DRD3: variants seen among roughly 807,000 people sequenced by gnomAD.
DRD3 encodes the protein D(3) dopamine receptor.
Under a neutral mutation model 36.3 loss-of-function variants are expected in DRD3, and 19 were observed. The observed-to-expected ratio is 0.52, with a 90% CI of 0.36 to 0.77. The LOEUF (loss-of-function observed/expected upper bound fraction) is 0.77, where lower values mean the gene tolerates loss of function less well. Ranked by LOEUF, DRD3 falls within the 30% of genes least tolerant of loss-of-function variation. The probability of loss-of-function intolerance (pLI) is 0.00; values close to 1 mark genes in which losing one functional copy is unlikely to be tolerated. For missense variants in DRD3, 465 were observed against 505.3 expected (o/e 0.92, Z 0.77); for synonymous variants, 195 against 203.7 (o/e 0.96, Z 0.36).
At chr3:114,157,823 C>T (rs2077696377) in intron 3 of DRD3, among the ~76,000 whole-genome samples, 1 of 152,074 alleles carries the variant, frequency 6.6e-6, no homozygotes, top group African/African-American at 2.4e-5. Context: ...GAGGGGTAGG[C>T]CAGGCACAGT....
chr3:114,172,347 G>A (rs187800427), intron 1 of DRD3, among the ~76,000 whole-genome samples: 1 of 152,342 alleles, frequency 6.6e-6, no homozygotes, highest in Non-Finnish European at 1.5e-5. Flanking sequence ...GCGTATGTGA[G>A]TGAGTATCTG....
At chr3:114,156,715 G>GTCTTTCTTTCTT (rs1328717527) in intron 3 of DRD3, among the ~76,000 whole-genome samples, 5 of 80,286 alleles carry the variant, frequency 6.2e-5, no homozygotes, top group African/African-American at 2.0e-4. Flanking sequence ...TGGCTTGCCT[G>GTCTTTCTTTCTT]TCTTTCTTTC....
intron 1 of DRD3, among the ~76,000 whole-genome samples, chr3:114,187,214 A>T (rs2077980424): frequency 6.6e-6 from 1 of 152,328 alleles, no homozygotes; most frequent in South Asian, 2.1e-4. Flanking sequence ...GTTCTCTAAG[A>T]TTAGAAATAA....
intron 5 of DRD3, among the ~76,000 whole-genome samples, chr3:114,134,940 CTT>C (rs2077462449): frequency 6.6e-6 from 1 of 152,126 alleles, no homozygotes; most frequent in African/African-American, 2.4e-5. Context: ...CATTTCAAAT[CTT>C]TTCTTCTAGG....
intron 2 of DRD3, among the ~76,000 whole-genome samples, chr3:114,167,766 C>T (rs1045272175): frequency 2.6e-5 from 4 of 152,178 alleles, no homozygotes; most frequent in South Asian, 4.1e-4. Context: ...GGGCAGTATC[C>T]AAAGAAGAAA....
rs114903659 is a variant in DRD3 at position 114,185,367 on chromosome 3, C to T, written c.-155-6591G>A. On this transcript the variant is annotated intron_variant, in intron 1 of 7. Transcript: ENST00000460779. ...TGCAAGTTTGCTGATTTCTTTCTTG[C>T]CTGCTTAAATCTGCCTTTAAATCTG... Among the ~76,000 whole-genome samples, 561 of 152,124 alleles carry T rather than the reference C, an allele frequency of 3.7e-3. 3 individuals carry two copies. Among genetic ancestry groups the T allele is most frequent in the African/African-American group, 0.013 (533 of 41,504 alleles).
intron 4 of DRD3, among the ~76,000 whole-genome samples, chr3:114,140,541 C>A (rs2077515352): frequency 6.6e-6 from 1 of 152,158 alleles, no homozygotes. Context: ...AGCTTTGTAC[C>A]CCTTATCCCA....
intron 1 of DRD3, among the ~76,000 whole-genome samples, chr3:114,191,382 C>T: frequency 6.6e-6 from 1 of 152,076 alleles, no homozygotes; most frequent in Non-Finnish European, 1.5e-5. Context: ...AAGAGTATTC[C>T]CAGCTGTGCA....
chr3:114,194,421 T>TA (rs1307690827), intron 1 of DRD3, among the ~76,000 whole-genome samples: 2 of 152,158 alleles, frequency 1.3e-5, no homozygotes, highest in Non-Finnish European at 2.9e-5. Flanking sequence ...TAGCTGGAAT[T>TA]ACAACCGTGT....
chr3:114,139,723 G>A (rs375352318), intron 4 of DRD3, 27 bp from the exon 5 acceptor site: 3 of 1,607,990 alleles, frequency 1.9e-6, no homozygotes. Flanking sequence ...GGAAGGTAAA[G>A]CAGTTAGCAA....
chr3:114,140,865 C>T (rs1439245950), intron 4 of DRD3, among the ~76,000 whole-genome samples: 1 of 152,150 alleles, frequency 6.6e-6, no homozygotes, highest in South Asian at 2.1e-4. Flanking sequence ...GAAGATGAAG[C>T]CTCAGGTGTG....
At chr3:114,154,521 A>G (rs552572154) in intron 3 of DRD3, among the ~76,000 whole-genome samples, 4 of 152,174 alleles carry the variant, frequency 2.6e-5, no homozygotes, top group Non-Finnish European at 5.9e-5. Context: ...AGGGGGCTCA[A>G]TATATCTTTA....
intron 3 of DRD3, among the ~76,000 whole-genome samples, chr3:114,153,985 A>G (rs2077642079): frequency 6.6e-6 from 1 of 152,190 alleles, no homozygotes; most frequent in Non-Finnish European, 1.5e-5. Context: ...TAGCATTAGC[A>G]TAGAGGTAGC....
chr3:114,187,171 T>C (rs2107901591), intron 1 of DRD3, among the ~76,000 whole-genome samples: 1 of 152,376 alleles, frequency 6.6e-6, no homozygotes, highest in Admixed American at 6.5e-5. Context: ...ATGTGTTTTC[T>C]TTCTTTTCTT....
At chr3:114,151,205 C>T (rs2077613804) in intron 3 of DRD3, among the ~76,000 whole-genome samples, 1 of 152,150 alleles carries the variant, frequency 6.6e-6, no homozygotes, top group African/African-American at 2.4e-5. Flanking sequence ...TACAATATGT[C>T]TACAAGGGCC....
At chr3:114,190,410 TAATATATATATA>T (rs2077998139) in intron 1 of DRD3, among the ~76,000 whole-genome samples, 1 of 58,142 alleles carries the variant, frequency 1.7e-5, no homozygotes, top group East Asian at 6.5e-4. Context: ...GGAAAAAGGA[TAATATATATATA>T]TATATATATA....
upstream of DRD3, among the ~76,000 whole-genome samples, chr3:114,181,694 T>C (rs540137713): frequency 2.1e-3 from 318 of 152,354 alleles, no homozygotes; most frequent in South Asian, 0.012. Context: ...GTTTTCAACT[T>C]GAAGTGGCAA....
At chr3:114,185,006 G>T (rs1269261425) in intron 1 of DRD3, among the ~76,000 whole-genome samples, 1 of 152,046 alleles carries the variant, frequency 6.6e-6, no homozygotes, top group African/African-American at 2.4e-5. Flanking sequence ...TCTTACCAAA[G>T]AGCCCTTGCA....
chr3:114,178,279 A>C lies in DRD3; in HGVS notation c.-36+378T>G, dbSNP rs535281808. 7.2e-5 allele frequency among the ~76,000 whole-genome samples: 11 copies of C among 152,190 alleles called. 1 individual carries two copies. The highest frequency in any genetic ancestry group is 1.5e-4 in the Non-Finnish European group (10 of 68,028). On this transcript the variant is annotated intron_variant, in intron 1 of 6. Coordinates refer to ENST00000383673, the MANE Select transcript of DRD3 (RefSeq NM_000796.6). ...CAGCTCTGAATTGCCAGGGTGCTGA[A>C]TTGAGGAGTTTAAAATAACAGACCC...
Sources: allele counts gnomAD v4.1 joint callset (sites outside exome capture counted in the v4.1 genomes callset), GRCh38; gene constraint gnomAD v4.1.1; transcripts MANE v1.5; gene names NCBI Gene and HGNC (gene_info 2026-07-23, HGNC 2026-07-21).